The following P2RX1 variants were observed in gnomAD, a reference collection of about 807,000 sequenced individuals.
The protein encoded by P2RX1 is P2X purinoceptor 1.
Under a neutral mutation model 50.3 loss-of-function variants are expected in P2RX1, and 42 were observed. The observed-to-expected ratio is 0.83, with a 90% CI of 0.65 to 1.08. P2RX1 has a LOEUF of 1.08. Among genes scored for constraint, P2RX1 ranks in the 50% least tolerant of loss-of-function variants. The probability of loss-of-function intolerance (pLI) is 0.00; values close to 1 mark genes in which losing one functional copy is unlikely to be tolerated. For synonymous variants in P2RX1, 199 were observed against 202.6 expected (o/e 0.98, Z 0.15); for missense variants, 449 against 529.0 (o/e 0.85, Z 1.48).
intron 1 of P2RX1, among the ~76,000 whole-genome samples, chr17:3,913,155 G>A (rs531542176): frequency 1.4e-5 from 2 of 139,814 alleles, no homozygotes; most frequent in East Asian, 4.1e-4. Flanking sequence ...TTTTTGAGAT[G>A]GAGTCTCACT....
intron 1 of P2RX1, among the ~76,000 whole-genome samples, chr17:3,915,091 G>A (rs1402372030): frequency 6.6e-6 from 1 of 152,130 alleles, no homozygotes; most frequent in African/African-American, 2.4e-5. Flanking sequence ...GGAGGGTAGA[G>A]CTCTCAGAAT....
At chr17:3,915,883 C>G in intron 1 of P2RX1, 1 of 713,052 alleles carries the variant, frequency 1.4e-6, no homozygotes, top group Non-Finnish European at 2.5e-6. Context: ...CCGAAGGCCC[C>G]CGGGCAGGGC....
chr17:3,905,294 C>T lies in P2RX1; in HGVS notation c.211G>A (p.Gly71Ser). 6.2e-7 allele frequency: 1 copy of T among 1,613,954 alleles called. No homozygotes were observed. Among genetic ancestry groups the T allele is most frequent in the Non-Finnish European group, 8.5e-7 (1 of 1,180,008 alleles). ...CCAGGGAGCTGGGTCACGGCCAGGCCCTTGAGTTTCACAGAGACACTGCTG... is the reference window on the plus strand; with the variant it reads ...CCAGGGAGCTGGGTCACGGCCAGGCTCTTGAGTTTCACAGAGACACTGCTG... Reference protein sequence around the residue: ...LISSVSVKLKGLAVTQLPGLG... With the variant: ...LISSVSVKLKSLAVTQLPGLG... Residue 71 changes from glycine to serine, a missense_variant, in exon 2 of 12, where the codon GGC becomes AGC. By Grantham distance (56) the Gly-to-Ser change is moderately conservative. Coordinates refer to ENST00000225538, the MANE Select transcript of P2RX1 (RefSeq NM_002558.4).
chr17:3,906,957 C>T (rs11078473), intron 1 of P2RX1, among the ~76,000 whole-genome samples: 40,484 of 152,064 alleles, frequency 0.27, 6,538 homozygotes, highest in East Asian at 0.47. Context: ...AGGGTGGCTG[C>T]AAGACGAAAA....
chr17:3,898,048 C>T lies in P2RX1; in HGVS notation c.1095G>A (p.Gln365=), dbSNP rs755330737. The change falls in exon 11 of 12, where the codon CAG becomes CAA. Residue 365 remains glutamine (Q), a synonymous_variant. Transcript: ENST00000225538. The part of the protein sequence containing the change: ...HILPKRHYYK[Q]KKFKYAEDMG... ...TGTCCTCAGCGTATTTGAACTTCTT[C>T]TGCTTGTAGTAGTGCCTCTTAGGCA... is the stretch of plus-strand genomic sequence containing the variant. The T allele has an allele frequency of 2.5e-6, 4 of 1,613,526 alleles. No homozygotes were observed. In the South Asian group the frequency reaches 3.3e-5, roughly 13 times the overall value.
At position 3,904,942 on chromosome 17, in the gene P2RX1, G is replaced by T; in HGVS notation, c.286-13C>A. 1 of 1,451,636 alleles carries T rather than the reference G, an allele frequency of 6.9e-7. No individual in the cohort carries two copies. Among genetic ancestry groups the T allele is most frequent in the Non-Finnish European group, 9.6e-7 (1 of 1,047,030 alleles). The allele number at this position is 1,451,636 out of a possible 1,614,324, so 89.9% of individuals were successfully genotyped here. On this transcript the variant is annotated splice_polypyrimidine_tract_variant and intron_variant, in intron 2 of 11. Coordinates refer to ENST00000225538, the MANE Select transcript of P2RX1 (RefSeq NM_002558.4). ...AGGAGTTGTCCCCCTAGAAGTGAGG[G>T]GCAGGGGGAGGGTGGGGTGGGCTGG...
In P2RX1 at chr17:3,914,185, A is replaced by G. The variant is rs999146489; in HGVS notation, c.137+1904T>C. 2.0e-5 allele frequency among the ~76,000 whole-genome samples: 3 copies of G among 152,112 alleles called. No homozygotes were observed. Among genetic ancestry groups the G allele is most frequent in the African/African-American group, 7.2e-5 (3 of 41,420 alleles). On this transcript the variant is annotated intron_variant, in intron 1 of 11. Coordinates refer to ENST00000225538, the MANE Select transcript of P2RX1 (RefSeq NM_002558.4). The surrounding 1 kb of genome is among the most constrained non-coding windows in gnomAD (Gnocchi z 4.1). Reference sequence around the variant, plus strand: ...AGGAGGTTGCCTTTCCAGAATATCAAGGCTGACTTTGGAGCCATGCAGGTG... The same window carrying G: ...AGGAGGTTGCCTTTCCAGAATATCAGGGCTGACTTTGGAGCCATGCAGGTG...
rs2056191637 is a variant in P2RX1, at chr17:3,903,435, C to T, written c.606-92G>A. 1.3e-6 allele frequency: 2 copies of T among 1,591,108 alleles called. No individual in the cohort carries two copies. The highest frequency in any genetic ancestry group is 1.3e-5 in the African/African-American group (1 of 74,386). On this transcript the variant is annotated intron_variant, in intron 6 of 11. Transcript: ENST00000225538. The surrounding 1 kb of genome is among the most constrained non-coding windows in gnomAD (Gnocchi z 4.6). ...GCCTGGGGACCCCTCACAGGCTCCA[C>T]ATTGCCCCTTTGATTCCTTCCACGC...
intron 3 of P2RX1, 182 bp downstream of exon 3, chr17:3,904,676 C>T (rs949627031): frequency 3.8e-5 from 24 of 638,100 alleles, no homozygotes; most frequent in Middle Eastern, 8.0e-4. Flanking sequence ...GTGTGCTGGG[C>T]GGGAAGGCTC....
At chr17:3,906,514 C>T (rs1483062201) in intron 1 of P2RX1, among the ~76,000 whole-genome samples, 1 of 152,174 alleles carries the variant, frequency 6.6e-6, no homozygotes, top group Non-Finnish European at 1.5e-5. Flanking sequence ...AGAATAAATG[C>T]AGTATAGACA....
At chr17:3,905,734 C>T (rs1291057791) in intron 1 of P2RX1, among the ~76,000 whole-genome samples, 4 of 151,670 alleles carry the variant, frequency 2.6e-5, no homozygotes, top group Non-Finnish European at 5.9e-5. Context: ...GTAATCCCAG[C>T]TACCTGGGAG....
Position 3,898,559 on chromosome 17 carries a change from G to A in P2RX1, c.967-10C>T. The A allele has an allele frequency of 6.2e-7, 1 of 1,611,492 alleles. No homozygotes were observed. Among genetic ancestry groups the A allele is most frequent in the Non-Finnish European group, 8.5e-7 (1 of 1,177,672 alleles). ...TGTCAAACTTCCCGGCCTGGTGGCA[G>A]GACCCAGGGAGAGAAGGGCTAACCG... On this transcript the variant is annotated splice_polypyrimidine_tract_variant and intron_variant, in intron 9 of 11. Transcript: ENST00000225538.
At chr17:3,907,969 G>A (rs1288175594) in intron 1 of P2RX1, among the ~76,000 whole-genome samples, 1 of 152,208 alleles carries the variant, frequency 6.6e-6, no homozygotes, top group Non-Finnish European at 1.5e-5. Flanking sequence ...GCTTAGCAAC[G>A]TTTCTATCTT....
rs2056182041 is a variant in P2RX1, at chr17:3,903,076, G to C, written c.747+126C>G. On this transcript the variant is annotated intron_variant, in intron 7 of 11. Transcript: ENST00000225538. This position sits in a 1 kb window ranked among gnomAD's most constrained non-coding sequence, Gnocchi z 4.6. ...GACGCTCAGGGGGCCCCAGTATCAG[G>C]GGACAGACCCATACATATACTCAGC... 2 of 1,348,022 alleles carry C rather than the reference G, an allele frequency of 1.5e-6. No individual in the cohort carries two copies. The highest frequency in any genetic ancestry group is 2.1e-6 in the Non-Finnish European group (2 of 971,192). 83.5% of individuals were successfully genotyped at this position (1,348,022 alleles called of 1,614,324 possible).
intron 1 of P2RX1, chr17:3,915,422 C>A (rs754149848): frequency 4.4e-6 from 2 of 455,928 alleles, no homozygotes; most frequent in Non-Finnish European, 8.8e-6. Context: ...TCTTGGCTCC[C>A]GAGACAACCA....
At chr17:3,902,300 A>AT (rs112467438) in intron 7 of P2RX1, among the ~76,000 whole-genome samples, 4,711 of 138,226 alleles carry the variant, frequency 0.034, 215 homozygotes, top group African/African-American at 0.11. Flanking sequence ...TAATTTTTGT[A>AT]TTTTTTTTTT....
intron 1 of P2RX1, among the ~76,000 whole-genome samples, chr17:3,908,590 C>T (rs1249022798): frequency 6.6e-6 from 1 of 152,164 alleles, no homozygotes; most frequent in African/African-American, 2.4e-5. Context: ...AATAGAATGA[C>T]TATGGTGCCA....
At chr17:3,913,740 G>C (rs1174271918) in intron 1 of P2RX1, among the ~76,000 whole-genome samples, 1 of 152,222 alleles carries the variant, frequency 6.6e-6, no homozygotes, top group African/African-American at 2.4e-5. Flanking sequence ...CTGTGTCTGG[G>C]ACACGGGGGC....
At chr17:3,899,097 G>T in intron 8 of P2RX1, 73 bp from the exon 9 acceptor site, 1 of 1,032,004 alleles carries the variant, frequency 9.7e-7, no homozygotes, top group South Asian at 1.3e-5. Context: ...TAGCGCATCA[G>T]GGATACAGGA....
Sources: gnomAD v4.1 joint callset for allele counts (sites outside exome capture counted in the v4.1 genomes callset) on GRCh38, gnomAD v4.1.1 for gene constraint, Gnocchi (gnomAD v3.1) non-coding constraint, MANE v1.5 for transcripts, NCBI Gene and HGNC (gene_info 2026-07-23, HGNC 2026-07-21) for gene names.